Variants in MS4A12 observed in about 807,000 individuals in gnomAD.
The protein encoded by MS4A12 is membrane spanning 4-domains A12.
Under a neutral mutation model 23.7 loss-of-function variants are expected in MS4A12, and 28 were observed. That is an observed-to-expected ratio of 1.18 (90% CI 0.88 to 1.62). The LOEUF (loss-of-function observed/expected upper bound fraction) is 1.62. Ranked by LOEUF, MS4A12 falls within the 40% of genes most tolerant of loss-of-function variation. The pLI, the probability that MS4A12 is intolerant of heterozygous loss-of-function variation, is 0.00. For missense variants in MS4A12, 342 were observed against 327.0 expected, an observed-to-expected ratio of 1.05 and a Z score of -0.35; for synonymous variants, 108 against 110.1, an observed-to-expected ratio of 0.98 and a Z score of 0.12.
Position 60,506,974 on chromosome 11 carries a change from T to C in MS4A12, c.700-46T>C, listed in dbSNP as rs1378459779. 12 of 1,557,192 alleles carry C rather than the reference T, an allele frequency of 7.7e-6. No individual in the cohort carries two copies. In the Admixed American group the frequency reaches 2.0e-4, roughly 26 times the overall value. On this transcript the variant is annotated intron_variant, in intron 6 of 6. Transcript: ENST00000016913. The stretch of plus-strand genomic sequence containing the variant: ...TCTGATGGTACCAGGGGAAATTGCA[T>C]AGGATTGTAGTAACCATATTGCTTG...
chr11:60,493,454 C>T (rs1042897417), intron 1 of MS4A12, among the ~76,000 whole-genome samples: 1 of 151,496 alleles, frequency 6.6e-6, no homozygotes, highest in African/African-American at 2.4e-5. Context: ...TGAACATGGG[C>T]CCAAAAGGAC....
In MS4A12 at chr11:60,501,150, A is replaced by G. The variant is rs1565204620; in HGVS notation, c.382A>G (p.Ile128Val). 1 of 1,612,570 alleles carries G rather than the reference A, an allele frequency of 6.2e-7. No homozygotes were observed. The highest frequency in any genetic ancestry group is 8.5e-7 in the Non-Finnish European group (1 of 1,179,508). The change falls in exon 3 of 7, where the codon ATT becomes GTT. Residue 128 changes from isoleucine (I) to valine (V), a missense_variant. Transcript: ENST00000016913. ...ATTAGGTTTTGCCTCTACTGCTGTT[A>G]TTGGTGGATACCCATTCTGGGGTGG... is the stretch of plus-strand genomic sequence containing the variant. ...EVLGFASTAV[I>V]GGYPFWGGLS...
At chr11:60,500,249 AC>A (rs2086520456) in intron 2 of MS4A12, among the ~76,000 whole-genome samples, 3 of 149,476 alleles carry the variant, frequency 2.0e-5, no homozygotes. Flanking sequence ...TCAAAAAAAA[AC>A]CAAAAAAAAA....
At chr11:60,496,163 C>T (rs528819900) in intron 1 of MS4A12, among the ~76,000 whole-genome samples, 3 of 152,168 alleles carry the variant, frequency 2.0e-5, no homozygotes, top group East Asian at 1.9e-4. Context: ...TCTATGAGCA[C>T]AGGGTCTGCA....
At chr11:60,497,218 T>G in intron 1 of MS4A12, 95 bp from the exon 2 acceptor site, 1 of 1,367,356 alleles carries the variant, frequency 7.3e-7, no homozygotes, top group Non-Finnish European at 1.0e-6. Flanking sequence ...GTTCTCTCCA[T>G]TTGCATAGAT....
At position 60,507,193 on chromosome 11, in the gene MS4A12, G is replaced by A. The variant is rs2135237606; in HGVS notation, c.*69G>A. On this transcript the variant is annotated 3_prime_UTR_variant, in exon 7 of 7. Transcript: ENST00000016913. The stretch of plus-strand genomic sequence containing the variant: ...ACTTGCAAAAACTTCTTAAGAAGAT[G>A]TCTTTTATTGTCTACAATGATTTCT... 8.4e-7 allele frequency: 1 copy of A among 1,187,282 alleles called. No homozygotes were observed. The highest frequency in any genetic ancestry group is 1.2e-6 in the Non-Finnish European group (1 of 804,400). The allele number at this position is 1,187,282 out of a possible 1,614,324, so 73.5% of individuals were successfully genotyped here.
At chr11:60,501,859 G>A in intron 3 of MS4A12, 124 bp from the exon 4 acceptor site, 2 of 820,272 alleles carry the variant, frequency 2.4e-6, no homozygotes, top group Non-Finnish European at 4.0e-6. Context: ...AAATTCAGAA[G>A]TGCGAGAGAA....
chr11:60,497,706 T>C (rs1418783136), intron 2 of MS4A12, 112 bp downstream of exon 2: 1 of 1,189,452 alleles, frequency 8.4e-7, no homozygotes, highest in East Asian at 2.5e-5. Context: ...TCTGAAATTA[T>C]CTCTTTTAGA....
chr11:60,499,405 C>G lies in MS4A12; in HGVS notation c.277-1640C>G, dbSNP rs184708147. ...TAACTGCCCCTCATCAAGGTGACAG[C>G]AAGGATGAGAATGGGAAGTTTGTGA... On this transcript the variant is annotated intron_variant, in intron 2 of 6. Coordinates refer to ENST00000016913, the MANE Select transcript of MS4A12 (RefSeq NM_017716.3). 3.7e-3 allele frequency among the ~76,000 whole-genome samples: 556 copies of G among 152,326 alleles called. 6 individuals are homozygous for G. Among genetic ancestry groups the G allele is most frequent in the African/African-American group, 0.013 (530 of 41,570 alleles).
At chr11:60,505,249 G>C (rs1463075332) in intron 5 of MS4A12, among the ~76,000 whole-genome samples, 1 of 152,084 alleles carries the variant, frequency 6.6e-6, no homozygotes, top group Non-Finnish European at 1.5e-5. Context: ...GGCAACTCCT[G>C]TTTTTTAAAA....
intron 4 of MS4A12, 22 bp downstream of exon 4, chr11:60,502,061 T>A: frequency 6.3e-7 from 1 of 1,590,916 alleles, no homozygotes; most frequent in Non-Finnish European, 8.6e-7. Flanking sequence ...TGTCTCTACT[T>A]TTTGAACCCC....
Position 60,507,059 on chromosome 11 carries a change from G to A in MS4A12, c.739G>A (p.Val247Met). The A allele has an allele frequency of 6.2e-7, 1 of 1,614,040 alleles. No individual in the cohort carries two copies. The highest frequency in any genetic ancestry group is 1.1e-5 in the South Asian group (1 of 91,076). The stretch of plus-strand genomic sequence containing the variant: ...TCCAAATATGTATGAAAGCAACCCT[G>A]TGACACCAGCGTCTTCTTCAGCTCC... ...VIPNMYESNPVTPASSSAPPR... is the reference protein window; with the variant it reads ...VIPNMYESNPMTPASSSAPPR... Residue 247 changes from valine to methionine, a missense_variant, in exon 7 of 7, where the codon GTG (valine) becomes ATG (methionine). By Grantham distance (21) the Val-to-Met change is conservative. Coordinates refer to ENST00000016913, the MANE Select transcript of MS4A12 (RefSeq NM_017716.3).
chr11:60,501,187 G>A lies in MS4A12; in HGVS notation c.414+5G>A. The A allele has an allele frequency of 1.9e-6, 3 of 1,600,898 alleles. No individual in the cohort carries two copies. The highest frequency in any genetic ancestry group is 1.8e-5 in the Admixed American group (1 of 56,898). ...CCATTCTGGGGTGGCCTTTCTGTGAGTAGATTGCTAGAACACCAGTCCTTC... is the reference window on the plus strand; with the variant it reads ...CCATTCTGGGGTGGCCTTTCTGTGAATAGATTGCTAGAACACCAGTCCTTC... On this transcript the variant is annotated splice_donor_5th_base_variant and intron_variant, in intron 3 of 6. Transcript: ENST00000016913.
chr11:60,502,298 T>G (rs2086536801), intron 4 of MS4A12, among the ~76,000 whole-genome samples: 1 of 152,186 alleles, frequency 6.6e-6, no homozygotes, highest in African/African-American at 2.4e-5. Flanking sequence ...TGTTTAAGCT[T>G]TAACCTAAAA....
chr11:60,496,981 C>A (rs1459561314), intron 1 of MS4A12, among the ~76,000 whole-genome samples: 2 of 152,200 alleles, frequency 1.3e-5, no homozygotes. Flanking sequence ...ACCTAGATCC[C>A]CAACATGTGC....
At chr11:60,498,121 T>G (rs879382804) in intron 2 of MS4A12, 2 of 152,778 alleles carry the variant, frequency 1.3e-5, no homozygotes, top group African/African-American at 2.4e-5. Context: ...AAGGAGACTC[T>G]GAACTGACTG....
At chr11:60,506,636 G>C (rs1035630127) in intron 5 of MS4A12, 92 bp from the exon 6 acceptor site, 1 of 837,948 alleles carries the variant, frequency 1.2e-6, no homozygotes, top group African/African-American at 1.7e-5. Flanking sequence ...TTGAGTATAA[G>C]CAATAGCACA....
intron 1 of MS4A12, among the ~76,000 whole-genome samples, chr11:60,494,185 A>T (rs1293765640): frequency 1.4e-4 from 22 of 152,218 alleles, no homozygotes; most frequent in Non-Finnish European, 1.5e-5. Context: ...TTATAAAACC[A>T]GAACTTGACC....
intron 4 of MS4A12, 29 bp from the exon 5 acceptor site, chr11:60,503,672 A>G (rs755030269): frequency 1.3e-6 from 2 of 1,536,796 alleles, no homozygotes; most frequent in Non-Finnish European, 1.8e-6. Flanking sequence ...TCCTGTATAT[A>G]ATTGATTTTT....
Sources: gnomAD v4.1 joint callset for allele counts (sites outside exome capture counted in the v4.1 genomes callset) on GRCh38, gnomAD v4.1.1 for gene constraint, MANE v1.5 for transcripts, NCBI Gene and HGNC (gene_info 2026-07-23, HGNC 2026-07-21) for gene names.